Variants in EYS observed in about 807,000 individuals in gnomAD.
EYS encodes the protein EGF-like photoreceptor maintenance factor, also known as protein eyes shut homolog.
A neutral mutation model predicts 282.1 loss-of-function variants in EYS; 250 were observed. That is an observed-to-expected ratio of 0.89 (90% CI 0.80 to 0.98). EYS has a LOEUF of 0.98. Among genes scored for constraint, EYS ranks in the 50% least tolerant of loss-of-function variants. The pLI is 0.00. For missense variants in EYS, 4,016 were observed against 3,709.0 expected (o/e 1.08, Z -2.15); for synonymous variants, 1,355 against 1,282.9 (o/e 1.06, Z -1.20).
intron 30 of EYS, among the ~76,000 whole-genome samples, chr6:64,303,114 T>C (rs1769293239): frequency 6.6e-6 from 1 of 152,186 alleles, no homozygotes; most frequent in South Asian, 2.1e-4. Context: ...TGCTATGCTT[T>C]ATTAACCTTT....
At chr6:65,465,474 C>CACAA (rs773861531) in intron 5 of EYS, among the ~76,000 whole-genome samples, 10 of 151,556 alleles carry the variant, frequency 6.6e-5, no homozygotes, top group South Asian at 2.1e-4. Context: ...GAGGCTCTGT[C>CACAA]ACAAACAAAC....
intron 29 of EYS, among the ~76,000 whole-genome samples, chr6:64,387,869 G>C (rs1772964563): frequency 6.6e-6 from 1 of 151,788 alleles, no homozygotes; most frequent in South Asian, 2.1e-4. Context: ...GTCTATTTTT[G>C]TTTTATTTTA....
At chr6:65,220,933 G>A (rs1316564451) in intron 12 of EYS, among the ~76,000 whole-genome samples, 2 of 152,160 alleles carry the variant, frequency 1.3e-5, no homozygotes, top group African/African-American at 2.4e-5. Flanking sequence ...CACTGGTGAC[G>A]TTTTAACCCT....
intron 35 of EYS, among the ~76,000 whole-genome samples, chr6:63,925,964 A>G (rs1217096047): frequency 1.3e-5 from 2 of 152,128 alleles, no homozygotes; most frequent in Non-Finnish European, 2.9e-5. Context: ...GGTTTTAAGC[A>G]CCGCATGCAT....
intron 19 of EYS, among the ~76,000 whole-genome samples, chr6:64,829,980 T>TATC (rs1765168413): frequency 6.6e-6 from 1 of 151,972 alleles, no homozygotes; most frequent in African/African-American, 2.4e-5. Flanking sequence ...GCTAAGAAAC[T>TATC]ATCAGTCAAG....
At chr6:64,162,258 A>G (rs1457964369) in intron 31 of EYS, among the ~76,000 whole-genome samples, 1 of 152,200 alleles carries the variant, frequency 6.6e-6, no homozygotes, top group East Asian at 1.9e-4. Flanking sequence ...TGACATTTAT[A>G]AAATATTTCT....
chr6:63,764,556 GA>G (rs958983090), intron 40 of EYS, among the ~76,000 whole-genome samples: 4 of 151,728 alleles, frequency 2.6e-5, no homozygotes, highest in Admixed American at 2.6e-4. Context: ...ATATCTACTT[GA>G]AAAAAGCTTA....
intron 30 of EYS, among the ~76,000 whole-genome samples, chr6:64,253,717 T>G (rs1767297248): frequency 1.3e-5 from 2 of 151,808 alleles, no homozygotes; most frequent in Admixed American, 1.3e-4. Context: ...TTCCTCTAAG[T>G]TAACTGGACT....
intron 26 of EYS, among the ~76,000 whole-genome samples, chr6:64,473,359 C>T (rs1433794049): frequency 1.3e-5 from 2 of 151,972 alleles, no homozygotes; most frequent in Non-Finnish European, 2.9e-5. Context: ...ATGTAGCACA[C>T]AAAATATTAT....
At chr6:64,682,071 C>CGGGG (rs1769919159) in intron 22 of EYS, among the ~76,000 whole-genome samples, 1 of 152,168 alleles carries the variant, frequency 6.6e-6, no homozygotes, top group East Asian at 1.9e-4. Flanking sequence ...CCCAGGCCCC[C>CGGGG]GGGTGGGGCT....
intron 26 of EYS, among the ~76,000 whole-genome samples, chr6:64,509,177 T>C (rs993012429): frequency 2.6e-5 from 4 of 152,202 alleles, no homozygotes; most frequent in African/African-American, 9.6e-5. Flanking sequence ...TTAATACTTT[T>C]AAAAGGCATT....
intron 12 of EYS, among the ~76,000 whole-genome samples, chr6:65,225,531 T>G (rs547146230): frequency 1.3e-5 from 2 of 151,430 alleles, no homozygotes; most frequent in South Asian, 4.2e-4. Context: ...CTGGCCAACA[T>G]GGTGAAACCC....
At chr6:65,220,988 G>C (rs1366609544) in intron 12 of EYS, among the ~76,000 whole-genome samples, 1 of 152,150 alleles carries the variant, frequency 6.6e-6, no homozygotes, top group African/African-American at 2.4e-5. Context: ...AGATGATTTA[G>C]GGTATCTGGC....
chr6:64,418,380 T>C (rs1774126298), intron 28 of EYS, among the ~76,000 whole-genome samples: 1 of 152,248 alleles, frequency 6.6e-6, no homozygotes. Flanking sequence ...AGTTCTATGC[T>C]ATTTCTTATA....
At chr6:65,467,793 T>C (rs1765060534) in intron 5 of EYS, among the ~76,000 whole-genome samples, 1 of 152,078 alleles carries the variant, frequency 6.6e-6, no homozygotes, top group Non-Finnish European at 1.5e-5. Context: ...GGGGTAATTG[T>C]CCAGACAAAA....
chr6:64,365,021 C>T (rs1174086366), intron 29 of EYS, among the ~76,000 whole-genome samples: 1 of 151,478 alleles, frequency 6.6e-6, no homozygotes, highest in Non-Finnish European at 1.5e-5. Context: ...TGTGTTCAGA[C>T]ATAAATTCAA....
chr6:65,004,411 C>T (rs1771568623), intron 13 of EYS, among the ~76,000 whole-genome samples: 1 of 147,476 alleles, frequency 6.8e-6, no homozygotes, highest in Admixed American at 6.8e-5. Context: ...ATGTTACATT[C>T]TACAATGGTC....
At chr6:64,019,985 A>G (rs1362542995) in intron 33 of EYS, among the ~76,000 whole-genome samples, 2 of 151,888 alleles carry the variant, frequency 1.3e-5, no homozygotes, top group Non-Finnish European at 2.9e-5. Flanking sequence ...ATCAGAAAGC[A>G]ATAGTGTATC....
intron 2 of EYS, among the ~76,000 whole-genome samples, chr6:65,547,864 G>C (rs990260051): frequency 3.2e-4 from 49 of 152,030 alleles, no homozygotes; most frequent in African/African-American, 1.2e-3. Flanking sequence ...TTGTGATTTG[G>C]GCAACAGCTT....
Sources: allele counts gnomAD v4.1 joint callset (sites outside exome capture counted in the v4.1 genomes callset), GRCh38; gene constraint gnomAD v4.1.1; transcripts MANE v1.5; gene names NCBI Gene and HGNC (gene_info 2026-07-23, HGNC 2026-07-21).